The following HOMER2 variants were observed in gnomAD, a reference collection of about 807,000 sequenced individuals.
HOMER2 encodes homer protein homolog 2.
A neutral mutation model predicts 47.0 loss-of-function variants in HOMER2; 27 were observed. The observed-to-expected ratio is 0.57, with a 90% CI of 0.42 to 0.79. The LOEUF is 0.79. Ranked by LOEUF, HOMER2 falls within the 30% of genes least tolerant of loss-of-function variation. The pLI, the probability that HOMER2 is intolerant of heterozygous loss-of-function variation, is 0.00. For missense variants in HOMER2, 443 were observed against 435.0 expected, an observed-to-expected ratio of 1.02 and a Z score of -0.16; for synonymous variants, 161 against 163.8, an observed-to-expected ratio of 0.98 and a Z score of 0.13.
At chr15:82,963,168 T>A (rs1049106438) in intron 1 of HOMER2, among the ~76,000 whole-genome samples, 1 of 152,164 alleles carries the variant, frequency 6.6e-6, no homozygotes, top group Non-Finnish European at 1.5e-5. Context: ...CACTGCAGCC[T>A]TGAACACCTG....
chr15:82,933,490 T>C (rs1020272497), intron 1 of HOMER2, among the ~76,000 whole-genome samples: 6 of 152,050 alleles, frequency 3.9e-5, no homozygotes, highest in African/African-American at 1.5e-4. Flanking sequence ...CAAGCAATCC[T>C]CCCACCTCAG....
upstream of HOMER2, chr15:82,952,809 C>G (rs2054539405): frequency 1.4e-6 from 1 of 693,310 alleles, no homozygotes; most frequent in Non-Finnish European, 1.8e-6. Context: ...TACGTAACCT[C>G]GTGGCCCCCG....
chr15:82,857,026 C>G (rs1207540093), intron 5 of HOMER2, among the ~76,000 whole-genome samples: 1 of 152,136 alleles, frequency 6.6e-6, no homozygotes, highest in African/African-American at 2.4e-5. Context: ...AAAATGACAG[C>G]TTCTCTTATG....
intron 1 of HOMER2, among the ~76,000 whole-genome samples, chr15:82,974,704 G>A (rs2030140752): frequency 6.6e-6 from 1 of 152,196 alleles, no homozygotes; most frequent in Admixed American, 6.5e-5. Flanking sequence ...CTTGGAGTCT[G>A]TCTCTGAAGA....
chr15:82,967,195 G>A (rs2054682095), intron 1 of HOMER2, among the ~76,000 whole-genome samples: 1 of 152,058 alleles, frequency 6.6e-6, no homozygotes, highest in African/African-American at 2.4e-5. Context: ...AGGCTGTAGT[G>A]AGCTATGACT....
At chr15:82,890,858 A>G (rs111261800) in intron 2 of HOMER2, among the ~76,000 whole-genome samples, 3 of 152,324 alleles carry the variant, frequency 2.0e-5, no homozygotes, top group East Asian at 1.9e-4. Context: ...AACATCCTGG[A>G]AAGAGTCCAG....
At chr15:82,839,705 A>G (rs938651040) in exon 2 of HOMER2, 3 of 152,236 alleles carry the variant, frequency 2.0e-5, no homozygotes, top group Admixed American at 1.3e-4. Context: ...CAGAAATACA[A>G]TAATAGGAGA....
chr15:82,935,246 G>A lies in HOMER2; in HGVS notation c.5+17285C>T, dbSNP rs562708579. On this transcript the variant is annotated intron_variant, in intron 1 of 8. Transcript: ENST00000450735. ...CCACATAACCCTGCTCCCCAGCCTCGCACTCACCTTCCAACCCACCTGGCT... is the reference window on the plus strand; with the variant it reads ...CCACATAACCCTGCTCCCCAGCCTCACACTCACCTTCCAACCCACCTGGCT... Among the ~76,000 whole-genome samples, 55 of 152,028 alleles carry A rather than the reference G, an allele frequency of 3.6e-4. 1 individual carries two copies. The highest frequency in any genetic ancestry group is 1.0e-3 in the African/African-American group (43 of 41,472).
rs570302665 is a variant in HOMER2, at chr15:82,876,921, C to T, written c.163-1517G>A. ...GTCAGTAGTAACAGAAGTATCATTGCTCTTGCTAGATCTACATTTATCTAT... is the reference window on the plus strand; with the variant it reads ...GTCAGTAGTAACAGAAGTATCATTGTTCTTGCTAGATCTACATTTATCTAT... On this transcript the variant is annotated intron_variant, in intron 2 of 8. Coordinates refer to ENST00000450735, the MANE Select transcript of HOMER2 (RefSeq NM_004839.4). Among the ~76,000 whole-genome samples, 10 of 152,240 alleles carry T rather than the reference C, an allele frequency of 6.6e-5. No individual in the cohort carries two copies. The South Asian group carries it at 1.7e-3, about 25-fold the overall frequency.
At chr15:82,872,092 G>C (rs945565144) in intron 3 of HOMER2, among the ~76,000 whole-genome samples, 1 of 152,122 alleles carries the variant, frequency 6.6e-6, no homozygotes, top group East Asian at 1.9e-4. Flanking sequence ...TATGAGGCAG[G>C]TGTGGGAAGG....
intron 1 of HOMER2, among the ~76,000 whole-genome samples, chr15:82,964,879 C>T (rs752131245): frequency 6.6e-6 from 1 of 152,202 alleles, no homozygotes; most frequent in Non-Finnish European, 1.5e-5. Flanking sequence ...AAGTGTTATG[C>T]AGCAGGAAAA....
At chr15:82,861,191 A>G (rs1350461494) in intron 4 of HOMER2, among the ~76,000 whole-genome samples, 1 of 152,222 alleles carries the variant, frequency 6.6e-6, no homozygotes, top group Non-Finnish European at 1.5e-5. Context: ...AAGAACATCC[A>G]TACCTTTAAC....
chr15:82,917,468 A>G (rs1197104266), intron 1 of HOMER2, among the ~76,000 whole-genome samples: 1 of 152,176 alleles, frequency 6.6e-6, no homozygotes, highest in Non-Finnish European at 1.5e-5. Context: ...CCCAGGGGGA[A>G]CTGCTGGAAC....
chr15:82,846,937 T>A (rs2151589323), downstream of HOMER2: 1 of 152,206 alleles, frequency 6.6e-6, no homozygotes, highest in South Asian at 2.1e-4. Context: ...GGTTAAAGGG[T>A]TCCAAGTTTT....
chr15:82,967,987 C>T (rs928757349), intron 1 of HOMER2, among the ~76,000 whole-genome samples: 2 of 152,174 alleles, frequency 1.3e-5, no homozygotes, highest in Admixed American at 6.5e-5. Context: ...ATTTTATTCA[C>T]ATATTCACTC....
intron 1 of HOMER2, chr15:82,898,306 T>C (rs2053002764): frequency 6.6e-6 from 1 of 152,156 alleles, no homozygotes; most frequent in Non-Finnish European, 1.5e-5. Flanking sequence ...AATAGAAAGA[T>C]TTAAGAGAAT....
intron 1 of HOMER2, among the ~76,000 whole-genome samples, chr15:82,933,513 C>G (rs1208520805): frequency 1.3e-5 from 2 of 152,190 alleles, no homozygotes; most frequent in Non-Finnish European, 2.9e-5. Context: ...TCCCAAAGTG[C>G]TAGGTTTACA....
At chr15:82,906,232 A>T (rs539693555) in intron 1 of HOMER2, among the ~76,000 whole-genome samples, 1 of 152,330 alleles carries the variant, frequency 6.6e-6, no homozygotes, top group South Asian at 2.1e-4. Context: ...TGAAATGCTC[A>T]ATTACAACTA....
At position 82,952,540 on chromosome 15, in the gene HOMER2, G is replaced by C; in HGVS notation, c.-5C>G. 2 of 1,183,782 alleles carry C rather than the reference G, an allele frequency of 1.7e-6. No individual in the cohort carries two copies. Among genetic ancestry groups the C allele is most frequent in the Non-Finnish European group, 2.1e-6 (2 of 956,958 alleles). 73.3% of individuals were successfully genotyped at this position (1,183,782 alleles called of 1,614,324 possible). On this transcript the variant is annotated 5_prime_UTR_variant, in exon 1 of 9. Coordinates refer to ENST00000450735, the MANE Select transcript of HOMER2 (RefSeq NM_004839.4). Reference sequence around the variant, plus strand: ...GCGCGGGCTCACTCACCCCATCTCCGGCGCTGCTCCGGCGGCCGCTCCGAC... The same window carrying C: ...GCGCGGGCTCACTCACCCCATCTCCCGCGCTGCTCCGGCGGCCGCTCCGAC...
Sources: allele counts gnomAD v4.1 joint callset (sites outside exome capture counted in the v4.1 genomes callset), GRCh38; gene constraint gnomAD v4.1.1; transcripts MANE v1.5; gene names NCBI Gene and HGNC (gene_info 2026-07-23, HGNC 2026-07-21).